LY96: variants seen among roughly 807,000 people sequenced by gnomAD.
LY96 encodes the protein myeloid differentiation protein-2.
LY96 carries 18 observed loss-of-function variants against 18.9 expected under a neutral mutation model. That is an observed-to-expected ratio of 0.95 (90% CI 0.66 to 1.41). LY96 has a LOEUF of 1.41. Ranked by LOEUF, LY96 falls within the 40% of genes most tolerant of loss-of-function variation. The pLI, the probability that LY96 is intolerant of heterozygous loss-of-function variation, is 0.00. For synonymous variants in LY96, 66 were observed against 62.6 expected (o/e 1.06, Z -0.26); for missense variants, 175 against 182.4 (o/e 0.96, Z 0.23).
At chr8:74,081,118 TTTCTTTCCTTCCTTCCTTCCTTCC>T in the LY96 span, among the ~76,000 whole-genome samples, 12 of 136,914 alleles carry the variant, frequency 8.8e-5, no homozygotes, top group Non-Finnish European at 1.2e-4. Flanking sequence ...TCTTTCTTTC[TTTCTTTCCTTCCTTCCTTCCTTCC>T]TTCTTTCTTT....
the LY96 span, among the ~76,000 whole-genome samples, chr8:74,037,998 A>G: frequency 6.6e-6 from 1 of 152,212 alleles, no homozygotes; most frequent in Admixed American, 6.5e-5. Context: ...TTGTTTTAAA[A>G]AAAATTTTTA....
chr8:74,088,124 A>AATGGAATGGAATGGAATGGAATGGAATG, the LY96 span, among the ~76,000 whole-genome samples: 1 of 151,590 alleles, frequency 6.6e-6, no homozygotes, highest in African/African-American at 2.4e-5. Flanking sequence ...AGAATAGAAT[A>AATGGAATGGAATGGAATGGAATGGAATG]GAATAGAATA....
chr8:74,023,148 T>C (rs1586660492), intron 3 of LY96, among the ~76,000 whole-genome samples: 1 of 152,208 alleles, frequency 6.6e-6, no homozygotes, highest in East Asian at 1.9e-4. Context: ...TGGTTCCCGC[T>C]GCCCACTTCC....
intron 3 of LY96, among the ~76,000 whole-genome samples, chr8:74,014,484 G>GTTT (rs59403354): frequency 7.6e-6 from 1 of 131,390 alleles, no homozygotes; most frequent in African/African-American, 2.8e-5. Context: ...GAACAGGCAG[G>GTTT]TTTTTTTTTT....
At chr8:74,090,816 T>C in the LY96 span, among the ~76,000 whole-genome samples, 109 of 152,336 alleles carry the variant, frequency 7.2e-4, no homozygotes, top group African/African-American at 2.5e-3. Flanking sequence ...GAATTATATA[T>C]ATGAAACTAA....
the LY96 span, among the ~76,000 whole-genome samples, chr8:74,070,878 TG>T: frequency 6.6e-6 from 1 of 152,258 alleles, no homozygotes; most frequent in African/African-American, 2.4e-5. Flanking sequence ...GGCATGATTT[TG>T]TTTTTTTAAG....
At chr8:74,072,490 AG>A in the LY96 span, among the ~76,000 whole-genome samples, 1 of 152,174 alleles carries the variant, frequency 6.6e-6, no homozygotes, top group African/African-American at 2.4e-5. Context: ...TTGGACATTT[AG>A]TTTTTTCCCA....
the LY96 span, among the ~76,000 whole-genome samples, chr8:74,094,981 T>C: frequency 6.6e-6 from 1 of 152,122 alleles, no homozygotes; most frequent in African/African-American, 2.4e-5. Flanking sequence ...AAAGAGCAGG[T>C]TTGGCCTTGA....
chr8:74,043,407 A>C, the LY96 span, among the ~76,000 whole-genome samples: 1 of 152,186 alleles, frequency 6.6e-6, no homozygotes, highest in Non-Finnish European at 1.5e-5. Flanking sequence ...TTTGAGAGGT[A>C]AGATGCGAGC....
the LY96 span, among the ~76,000 whole-genome samples, chr8:74,054,940 T>G: frequency 2.0e-5 from 3 of 152,048 alleles, no homozygotes; most frequent in African/African-American, 7.2e-5. Context: ...AGGGTCTCAT[T>G]CTGTTGCCTA....
chr8:74,054,617 C>CTTCATTCTTTCTTTCTTTCT, the LY96 span, among the ~76,000 whole-genome samples: 1 of 70,098 alleles, frequency 1.4e-5, no homozygotes, highest in Non-Finnish European at 2.7e-5. Flanking sequence ...TTTCCTTTTC[C>CTTCATTCTTTCTTTCTTTCT]TTCTTTCTTT....
At chr8:74,019,856 G>A (rs971691722) in intron 3 of LY96, among the ~76,000 whole-genome samples, 3 of 152,084 alleles carry the variant, frequency 2.0e-5, no homozygotes, top group East Asian at 1.9e-4. Flanking sequence ...AAAGGCCTTC[G>A]ACAAAATTCA....
At chr8:74,078,246 A>T in the LY96 span, among the ~76,000 whole-genome samples, 4 of 152,222 alleles carry the variant, frequency 2.6e-5, no homozygotes, top group Non-Finnish European at 4.4e-5. Flanking sequence ...CTGGAGATAA[A>T]GCATCCTTCA....
the LY96 span, among the ~76,000 whole-genome samples, chr8:74,065,573 T>C: frequency 6.6e-6 from 1 of 152,206 alleles, no homozygotes; most frequent in African/African-American, 2.4e-5. Context: ...TGTAGTGAGG[T>C]TATTTGAGTT....
the LY96 span, among the ~76,000 whole-genome samples, chr8:74,078,174 A>G: frequency 6.6e-6 from 1 of 152,124 alleles, no homozygotes; most frequent in Non-Finnish European, 1.5e-5. Flanking sequence ...TGTCTTTCAT[A>G]TGCTAGAATT....
chr8:74,095,234 A>G, the LY96 span, among the ~76,000 whole-genome samples: 10 of 152,208 alleles, frequency 6.6e-5, no homozygotes, highest in Admixed American at 1.3e-4. Context: ...TTAAGAGATT[A>G]AGCTTTATTC....
downstream of LY96, chr8:74,029,132 T>A: frequency 1.3e-6 from 1 of 788,806 alleles, no homozygotes; most frequent in Non-Finnish European, 2.1e-6. Context: ...TTTAATCAGA[T>A]ATGGTAGGAT....
chr8:74,054,096 G>A, the LY96 span, among the ~76,000 whole-genome samples: 2 of 152,280 alleles, frequency 1.3e-5, no homozygotes, highest in African/African-American at 4.8e-5. Context: ...GCTGTGAACA[G>A]GGCTCTCTGC....
intron 3 of LY96, among the ~76,000 whole-genome samples, chr8:74,022,725 C>T (rs1816795123): frequency 6.6e-6 from 1 of 151,854 alleles, no homozygotes; most frequent in Non-Finnish European, 1.5e-5. Context: ...ATTATAGGTG[C>T]ATGCCACCAC....
Sources: allele counts gnomAD v4.1 joint callset (sites outside exome capture counted in the v4.1 genomes callset), GRCh38; gene constraint gnomAD v4.1.1; transcripts MANE v1.5; gene names NCBI Gene and HGNC (gene_info 2026-07-23, HGNC 2026-07-21).